Variants in CACNA2D3 observed in about 807,000 individuals in gnomAD.
The protein encoded by CACNA2D3 is calcium voltage-gated channel auxiliary subunit alpha2delta 3.
A neutral mutation model predicts 160.6 loss-of-function variants in CACNA2D3; 60 were observed. The ratio of observed to expected loss-of-function variants is 0.37; its 90% CI spans 0.30 to 0.46. The LOEUF is 0.46. Among genes scored for constraint, CACNA2D3 ranks in the 20% least tolerant of loss-of-function variants. The pLI is 1.00. For synonymous variants in CACNA2D3, 558 were observed against 492.9 expected (o/e 1.13, Z -1.75); for missense variants, 1,205 against 1,365.0 (o/e 0.88, Z 1.85).
intron 3 of CACNA2D3, among the ~76,000 whole-genome samples, chr3:54,327,178 A>T (rs1189393652): frequency 2.6e-5 from 4 of 152,202 alleles, no homozygotes; most frequent in Non-Finnish European, 4.4e-5. Flanking sequence ...AACATACTTC[A>T]GTTTGAGCCA....
chr3:54,803,676 C>G (rs1195156433), intron 13 of CACNA2D3, among the ~76,000 whole-genome samples: 2 of 152,068 alleles, frequency 1.3e-5, no homozygotes, highest in Non-Finnish European at 2.9e-5. Flanking sequence ...CAAGGCAGAC[C>G]AACATTCAGA....
At chr3:54,944,711 G>A (rs569775979) in intron 27 of CACNA2D3, among the ~76,000 whole-genome samples, 31 of 151,958 alleles carry the variant, frequency 2.0e-4, no homozygotes, top group South Asian at 1.9e-3. Flanking sequence ...GTGAGCCACC[G>A]CGCCCAGCCT....
At chr3:54,808,759 CT>C (rs1369950566) in intron 13 of CACNA2D3, among the ~76,000 whole-genome samples, 2 of 152,096 alleles carry the variant, frequency 1.3e-5, no homozygotes, top group African/African-American at 4.8e-5. Flanking sequence ...CCTAATGTAC[CT>C]TGCTCAGACC....
At chr3:54,570,952 C>T (rs190329259) in intron 8 of CACNA2D3, among the ~76,000 whole-genome samples, 1 of 152,292 alleles carries the variant, frequency 6.6e-6, no homozygotes, top group East Asian at 1.9e-4. Flanking sequence ...GTCCTAAGAA[C>T]ATGCGCCCAA....
intron 12 of CACNA2D3, among the ~76,000 whole-genome samples, chr3:54,760,299 G>A (rs1404332438): frequency 6.6e-6 from 1 of 152,038 alleles, no homozygotes. Flanking sequence ...TGGGATAAAG[G>A]GTGTCCCAGG....
chr3:54,878,216 G>A (rs1318111961), intron 18 of CACNA2D3, among the ~76,000 whole-genome samples: 3 of 152,118 alleles, frequency 2.0e-5, no homozygotes, highest in African/African-American at 4.8e-5. Flanking sequence ...AGAGAGGGGT[G>A]GGGAGAGAGC....
intron 4 of CACNA2D3, 56 bp downstream of exon 4, chr3:54,386,830 G>A: frequency 6.9e-7 from 1 of 1,454,622 alleles, no homozygotes; most frequent in East Asian, 2.4e-5. Flanking sequence ...CAAAGGACAA[G>A]TACCAGGTAT....
rs376247855 is a variant in CACNA2D3 at position 54,617,584 on chromosome 3, A to AAAAC, written c.964-10193_964-10190dup. Among the ~76,000 whole-genome samples, 304 of 152,374 alleles carry AAAAC rather than the reference A, an allele frequency of 2.0e-3. 2 individuals carry two copies. The highest frequency in any genetic ancestry group is 6.9e-3 in the African/African-American group (289 of 41,592). ...CTTGGGTAAAGTTGCCAGATTTTGC[A>AAAAC]AAACAAACAAACAGGGCACTCAATT... On this transcript the variant is annotated intron_variant, in intron 9 of 37. Transcript: ENST00000474759.
intron 6 of CACNA2D3, among the ~76,000 whole-genome samples, chr3:54,567,939 A>G (rs1702435405): frequency 6.6e-6 from 1 of 152,232 alleles, no homozygotes; most frequent in Non-Finnish European, 1.5e-5. Flanking sequence ...AAGTGGAGAG[A>G]AAAGGAGAAC....
chr3:54,950,418 C>G (rs1515953), intron 27 of CACNA2D3, among the ~76,000 whole-genome samples: 63,909 of 152,052 alleles, frequency 0.42, 15,051 homozygotes, highest in East Asian at 0.75. Context: ...TTTAGGGAAC[C>G]TGTGTATGCT....
intron 2 of CACNA2D3, among the ~76,000 whole-genome samples, chr3:54,198,275 C>T (rs1018290191): frequency 6.6e-5 from 10 of 152,220 alleles, no homozygotes; most frequent in African/African-American, 1.9e-4. Flanking sequence ...ACAGTGAACC[C>T]GCCATTGCCT....
At chr3:54,613,169 C>A (rs1252344245) in intron 9 of CACNA2D3, among the ~76,000 whole-genome samples, 1 of 152,214 alleles carries the variant, frequency 6.6e-6, no homozygotes, top group African/African-American at 2.4e-5. Context: ...TGCATTTTTA[C>A]CTGCCAGGTA....
intron 1 of CACNA2D3, among the ~76,000 whole-genome samples, chr3:54,123,224 C>T (rs1699512113): frequency 6.6e-6 from 1 of 151,870 alleles, no homozygotes; most frequent in Admixed American, 6.6e-5. Flanking sequence ...TTTGGGGGGT[C>T]GAGTCCTCGG....
chr3:54,943,393 TC>T (rs1488295498), intron 27 of CACNA2D3, among the ~76,000 whole-genome samples: 5 of 152,166 alleles, frequency 3.3e-5, no homozygotes, highest in Non-Finnish European at 5.9e-5. Flanking sequence ...TGTATTTACT[TC>T]CTTTAATACA....
At chr3:54,787,367 G>C (rs1166762596) in intron 13 of CACNA2D3, among the ~76,000 whole-genome samples, 5 of 152,114 alleles carry the variant, frequency 3.3e-5, no homozygotes, top group Admixed American at 3.3e-4. Flanking sequence ...AAATCATGAT[G>C]TATCTTTTAT....
At position 54,545,522 on chromosome 3, in the gene CACNA2D3, G is replaced by A. The variant is rs754637821; in HGVS notation, c.545-17278G>A. 2.6e-5 allele frequency among the ~76,000 whole-genome samples: 4 copies of A among 152,052 alleles called. No homozygotes were observed. The South Asian group carries it at 6.2e-4, about 24-fold the overall frequency. ...CTGGACTTGCAACATTATTTCCCAC[G>A]AAGCACTTCTTTCTTTTTTTTCTTT... is the stretch of plus-strand genomic sequence containing the variant. On this transcript the variant is annotated intron_variant, in intron 5 of 37. Transcript: ENST00000474759.
intron 2 of CACNA2D3, among the ~76,000 whole-genome samples, chr3:54,275,845 T>A (rs1479535212): frequency 6.6e-6 from 1 of 151,866 alleles, no homozygotes; most frequent in Non-Finnish European, 1.5e-5. Context: ...CTTGAACTCC[T>A]GACCTCAGGT....
At chr3:54,653,776 CTG>C (rs1187651164) in intron 11 of CACNA2D3, among the ~76,000 whole-genome samples, 1 of 152,236 alleles carries the variant, frequency 6.6e-6, no homozygotes, top group African/African-American at 2.4e-5. Context: ...GTGGTGGAAA[CTG>C]TGGTTTCTCT....
At chr3:55,058,661 G>T (rs1345281375) in intron 35 of CACNA2D3, among the ~76,000 whole-genome samples, 1 of 151,614 alleles carries the variant, frequency 6.6e-6, no homozygotes, top group Non-Finnish European at 1.5e-5. Context: ...TTATTCCATG[G>T]TTCTTGGTGC....
Sources: gnomAD v4.1 joint callset for allele counts (sites outside exome capture counted in the v4.1 genomes callset) on GRCh38, gnomAD v4.1.1 for gene constraint, MANE v1.5 for transcripts, NCBI Gene and HGNC (gene_info 2026-07-23, HGNC 2026-07-21) for gene names.